Variants in PRKCB observed in about 807,000 individuals in gnomAD.
The protein encoded by PRKCB is protein kinase C beta type.
In PRKCB, 13 loss-of-function variants were observed where a neutral mutation model predicts 81.5. The ratio of observed to expected loss-of-function variants is 0.16; its 90% confidence interval spans 0.10 to 0.25. The LOEUF is 0.25. PRKCB is among the 10% of genes least tolerant of loss of function. PRKCB has a pLI of 1.00. For missense variants in PRKCB, 509 were observed against 875.7 expected, an observed-to-expected ratio of 0.58 and a Z score of 5.29; for synonymous variants, 335 against 321.4, an observed-to-expected ratio of 1.04 and a Z score of -0.45.
intron 2 of PRKCB, among the ~76,000 whole-genome samples, chr16:23,954,099 G>T (rs1964319415): frequency 6.6e-6 from 1 of 152,140 alleles, no homozygotes; most frequent in East Asian, 1.9e-4. Context: ...CAATGTGCAG[G>T]TTTGTTACAT....
At chr16:23,963,963 T>G (rs143620101) in intron 2 of PRKCB, 1 of 152,116 alleles carries the variant, frequency 6.6e-6, no homozygotes, top group Non-Finnish European at 1.5e-5. Context: ...TTGGCTCTGG[T>G]TTATTGGGTG....
intron 2 of PRKCB, among the ~76,000 whole-genome samples, chr16:23,929,085 G>C (rs917578037): frequency 6.6e-6 from 1 of 152,034 alleles, no homozygotes; most frequent in Non-Finnish European, 1.5e-5. Context: ...TTTGGAGATG[G>C]GGAAGGGCAG....
At chr16:23,978,883 A>G (rs2141811035) in intron 2 of PRKCB, among the ~76,000 whole-genome samples, 1 of 152,310 alleles carries the variant, frequency 6.6e-6, no homozygotes, top group East Asian at 1.9e-4. Context: ...ATTTTATTTA[A>G]TTAATTTACT....
At chr16:24,212,357 T>A (rs1190845483) in intron 16 of PRKCB, among the ~76,000 whole-genome samples, 2 of 151,462 alleles carry the variant, frequency 1.3e-5, no homozygotes, top group Non-Finnish European at 2.9e-5. Flanking sequence ...CTCACTGGTT[T>A]TTATTACTCT....
chr16:24,172,192 C>A, intron 10 of PRKCB, 78 bp from the exon 11 acceptor site: 1 of 1,020,160 alleles, frequency 9.8e-7, no homozygotes, highest in South Asian at 1.4e-5. Context: ...ATCATAAATT[C>A]CAGCTCTTCC....
intron 2 of PRKCB, among the ~76,000 whole-genome samples, chr16:23,964,335 G>A (rs993245204): frequency 6.6e-6 from 1 of 152,174 alleles, no homozygotes; most frequent in African/African-American, 2.4e-5. Flanking sequence ...AATTTTGTGG[G>A]AACACAGCTG....
At chr16:24,094,019 C>T in intron 6 of PRKCB, 144 bp from the exon 7 acceptor site, 3 of 956,410 alleles carry the variant, frequency 3.1e-6, no homozygotes, top group East Asian at 5.3e-5. Flanking sequence ...GGAGAGCTAG[C>T]CTGGGATGGA....
At chr16:24,074,952 C>G (rs1468829444) in intron 5 of PRKCB, among the ~76,000 whole-genome samples, 1 of 151,908 alleles carries the variant, frequency 6.6e-6, no homozygotes, top group South Asian at 2.1e-4. Flanking sequence ...CAAAAACTTG[C>G]CTCTACAAAA....
rs1340419725 is a variant in PRKCB at position 24,036,209 on chromosome 16, G to A, written c.529+662G>A. On this transcript the variant is annotated intron_variant, in intron 5 of 16. Transcript: ENST00000643927. ...GGGAGATGCAGTGAGAGGAGGAGCT[G>A]CTGGTGGTGGTGGTGGTGGTGGTGG... Among the ~76,000 whole-genome samples the A allele has an allele frequency of 5.4e-5, 8 of 149,298 alleles. No homozygotes were observed. The East Asian group carries it at 1.2e-3, about 22-fold the overall frequency.
At chr16:24,189,412 G>A (rs1039447451) in intron 15 of PRKCB, among the ~76,000 whole-genome samples, 5 of 152,144 alleles carry the variant, frequency 3.3e-5, no homozygotes, top group Non-Finnish European at 5.9e-5. Context: ...GCTGAGGCAG[G>A]CAGATCATGA....
Position 23,961,229 on chromosome 16 carries a change from C to T in PRKCB, c.206-27279C>T, listed in dbSNP as rs559256719. Among the ~76,000 whole-genome samples the T allele has an allele frequency of 5.3e-5, 8 of 152,202 alleles. No individual in the cohort carries two copies. In the East Asian group the frequency reaches 1.4e-3, roughly 26 times the overall value. On this transcript the variant is annotated intron_variant, in intron 2 of 16. Transcript: ENST00000643927. ...ATCTTTCTTTTCCTTTCTTTAGCCA[C>T]CCAGTTTTAGGTACCTCCAGTATCC...
intron 2 of PRKCB, among the ~76,000 whole-genome samples, chr16:23,843,986 C>T (rs1055862282): frequency 4.6e-5 from 7 of 152,176 alleles, no homozygotes; most frequent in Non-Finnish European, 8.8e-5. Context: ...TGTATACACA[C>T]ACATATATGT....
chr16:23,995,913 A>G (rs1161884537), intron 3 of PRKCB, among the ~76,000 whole-genome samples: 1 of 151,848 alleles, frequency 6.6e-6, no homozygotes, highest in Non-Finnish European at 1.5e-5. Context: ...CAGCTACAGC[A>G]CTGTAGTCAC....
At chr16:23,980,940 G>C (rs1478625166) in intron 2 of PRKCB, among the ~76,000 whole-genome samples, 1 of 151,800 alleles carries the variant, frequency 6.6e-6, no homozygotes, top group Admixed American at 6.6e-5. Flanking sequence ...GCTTTTCCTG[G>C]GGCAGAAACA....
At chr16:24,013,999 G>C (rs764137438) in intron 3 of PRKCB, among the ~76,000 whole-genome samples, 1 of 152,116 alleles carries the variant, frequency 6.6e-6, no homozygotes, top group Non-Finnish European at 1.5e-5. Context: ...GGAATGGGAG[G>C]CTCCTCTGTA....
intron 3 of PRKCB, among the ~76,000 whole-genome samples, chr16:23,998,358 G>A (rs1007760011): frequency 1.5e-4 from 23 of 152,144 alleles, no homozygotes; most frequent in Non-Finnish European, 2.8e-4. Context: ...ACCAATTCAC[G>A]TTATTGATTT....
intron 9 of PRKCB, among the ~76,000 whole-genome samples, chr16:24,146,759 T>A (rs761071889): frequency 2.0e-5 from 3 of 152,184 alleles, no homozygotes; most frequent in Non-Finnish European, 4.4e-5. Flanking sequence ...GGAACAGATG[T>A]GGCTTGGAAT....
At chr16:24,148,283 C>T (rs929303046) in intron 9 of PRKCB, among the ~76,000 whole-genome samples, 1 of 152,094 alleles carries the variant, frequency 6.6e-6, no homozygotes, top group African/African-American at 2.4e-5. Context: ...ACCCACTCAG[C>T]GATGTTAAGT....
At chr16:24,204,377 G>C (rs1968010672) in intron 16 of PRKCB, among the ~76,000 whole-genome samples, 1 of 152,102 alleles carries the variant, frequency 6.6e-6, no homozygotes, top group African/African-American at 2.4e-5. Flanking sequence ...GAACAGATGG[G>C]CTCTGGATCT....
Sources: allele counts gnomAD v4.1 joint callset (sites outside exome capture counted in the v4.1 genomes callset), GRCh38; gene constraint gnomAD v4.1.1; transcripts MANE v1.5; gene names NCBI Gene and HGNC (gene_info 2026-07-23, HGNC 2026-07-21).